TOPAZ1: variants seen among roughly 807,000 people sequenced by gnomAD.
The protein encoded by TOPAZ1 is testis and ovary specific TOPAZ 1.
A neutral mutation model predicts 172.2 loss-of-function variants in TOPAZ1; 66 were observed. That is an observed-to-expected ratio of 0.38 (90% CI 0.31 to 0.47). The LOEUF (loss-of-function observed/expected upper bound fraction) is 0.47, where lower values mean the gene tolerates loss of function less well. TOPAZ1 is among the 20% of genes least tolerant of loss of function. The pLI is 0.99. For synonymous variants in TOPAZ1, 681 were observed against 683.9 expected, an observed-to-expected ratio of 1.00 and a Z score of 0.07; for missense variants, 1,822 against 1,972.4, an observed-to-expected ratio of 0.92 and a Z score of 1.44.
At position 44,270,799 on chromosome 3, in the gene TOPAZ1, G is replaced by A; in HGVS notation, c.3361G>A (p.Gly1121Arg). The A allele has an allele frequency of 1.3e-6, 2 of 1,545,820 alleles. No homozygotes were observed. The highest frequency in any genetic ancestry group is 1.7e-6 in the Non-Finnish European group (2 of 1,144,348). The change falls in exon 8 of 20, where the codon GGG becomes AGG. Residue 1121 changes from glycine to arginine, a missense_variant. Around this residue, in one of 2 missense-constraint regions of TOPAZ1, gnomAD observed 1,489 missense variants for 1,490.8 expected, o/e 1.00. Coordinates refer to ENST00000309765, the MANE Select transcript of TOPAZ1 (RefSeq NM_001145030.2). ...CAAGTTTGCTCATGTGCCTGAACAA[G>A]GGGATGAAAAGGTAAAACATATAAA... ...LCKFAHVPEQ[G>R]DEKVCMDVFK...
intron 11 of TOPAZ1, among the ~76,000 whole-genome samples, chr3:44,288,388 C>T (rs1700101664): frequency 6.6e-6 from 1 of 152,004 alleles, no homozygotes; most frequent in African/African-American, 2.4e-5. Context: ...TGTTTGGAAT[C>T]AAAAGTTACT....
At position 44,321,202 on chromosome 3, in the gene TOPAZ1, T is replaced by G; in HGVS notation, c.4471+11T>G. On this transcript the variant is annotated intron_variant, in intron 17 of 19. Transcript: ENST00000309765. ...TTCAAAATTCCCAAGGTATGTTTTT[T>G]AAAAGTCTATCTTAATTATCTCTTG... The G allele has an allele frequency of 6.5e-7, 1 of 1,531,870 alleles. No homozygotes were observed. The highest frequency in any genetic ancestry group is 8.8e-7 in the Non-Finnish European group (1 of 1,138,146). The allele number at this position is 1,531,870 out of a possible 1,614,324, so 94.9% of individuals were successfully genotyped here.
rs1221807498 is a variant in TOPAZ1, at chr3:44,243,238, G to T, written c.732G>T (p.Leu244=). Residue 244 remains leucine (L), a synonymous_variant, in exon 2 of 20, where the codon CTG becomes CTT. Coordinates refer to ENST00000309765, the MANE Select transcript of TOPAZ1 (RefSeq NM_001145030.2). ...AGGGTTGTAATGATGAAAACAACCT[G>T]CCATATAAACCTGATGGTGGATGTA... is the stretch of plus-strand genomic sequence containing the variant. The part of the protein sequence containing the change: ...HSKGCNDENN[L]PYKPDGGCMH... 6.4e-7 allele frequency: 1 copy of T among 1,550,572 alleles called. No homozygotes were observed.
chr3:44,250,011 T>C (rs947149663), intron 2 of TOPAZ1, among the ~76,000 whole-genome samples: 5 of 152,190 alleles, frequency 3.3e-5, no homozygotes, highest in Admixed American at 6.5e-5. Flanking sequence ...CAGTAAATAA[T>C]AACTTCTGAG....
chr3:44,248,018 T>TCCCTAACA (rs1699585801), intron 2 of TOPAZ1, among the ~76,000 whole-genome samples: 1 of 152,212 alleles, frequency 6.6e-6, no homozygotes, highest in Non-Finnish European at 1.5e-5. Flanking sequence ...TTTAAAGAGT[T>TCCCTAACA]CACGATTACT....
intron 13 of TOPAZ1, 22 bp from the exon 14 acceptor site, chr3:44,305,125 T>G: frequency 6.9e-7 from 1 of 1,459,296 alleles, no homozygotes; most frequent in Non-Finnish European, 9.1e-7. Flanking sequence ...CTTTTTTGTT[T>G]TGTTTTTAAT....
Position 44,243,533 on chromosome 3 carries a change from A to C in TOPAZ1, c.1027A>C (p.Thr343Pro). 1 of 1,551,554 alleles carries C rather than the reference A, an allele frequency of 6.4e-7. No homozygotes were observed. Among genetic ancestry groups the C allele is most frequent in the Non-Finnish European group, 8.7e-7 (1 of 1,146,952 alleles). The change falls in exon 2 of 20, where the codon ACA becomes CCA. Residue 343 changes from threonine (T) to proline (P), a missense_variant. Around this residue, in one of 2 missense-constraint regions of TOPAZ1, gnomAD observed 1,489 missense variants for 1,490.8 expected, o/e 1.00. Transcript: ENST00000309765. ...GAAGTTGTCTGAAAAAGCAGATGAAACAGTTACTGAGATGAACTTCTCTAA... is the reference window on the plus strand; with the variant it reads ...GAAGTTGTCTGAAAAAGCAGATGAACCAGTTACTGAGATGAACTTCTCTAA... Reference protein sequence around the residue: ...RMKLSEKADETVTEMNFSNEY... With the variant: ...RMKLSEKADEPVTEMNFSNEY...
chr3:44,293,660 C>A (rs1171055968), intron 12 of TOPAZ1, among the ~76,000 whole-genome samples: 1 of 152,046 alleles, frequency 6.6e-6, no homozygotes, highest in African/African-American at 2.4e-5. Flanking sequence ...ACAAAAGAGT[C>A]AAAAAGTTTG....
chr3:44,311,883 T>C (rs941030670), intron 16 of TOPAZ1, among the ~76,000 whole-genome samples: 19 of 152,282 alleles, frequency 1.2e-4, no homozygotes, highest in African/African-American at 4.6e-4. Context: ...CAAAGTTTGG[T>C]GATATGCTTT....
downstream of TOPAZ1, among the ~76,000 whole-genome samples, chr3:44,333,296 G>T (rs991942516): frequency 6.6e-6 from 1 of 152,172 alleles, no homozygotes; most frequent in Admixed American, 6.5e-5. Flanking sequence ...ATATGGGGAA[G>T]TGAGGCAGGT....
chr3:44,263,003 A>G (rs879118488), intron 5 of TOPAZ1, among the ~76,000 whole-genome samples: 6 of 152,200 alleles, frequency 3.9e-5, no homozygotes, highest in African/African-American at 1.4e-4. Flanking sequence ...TTAAGGCAGT[A>G]ATTTTCAAAG....
At chr3:44,314,430 C>T (rs1700429942) in intron 16 of TOPAZ1, among the ~76,000 whole-genome samples, 1 of 152,062 alleles carries the variant, frequency 6.6e-6, no homozygotes, top group Non-Finnish European at 1.5e-5. Flanking sequence ...ATACTAACCC[C>T]ATAACGTAGG....
chr3:44,272,106 A>G (rs986596112), intron 8 of TOPAZ1, among the ~76,000 whole-genome samples: 2 of 152,098 alleles, frequency 1.3e-5, no homozygotes, highest in Admixed American at 6.6e-5. Flanking sequence ...ATAGTATTTC[A>G]TTGTGTATAT....
chr3:44,291,857 C>T (rs537281270), intron 12 of TOPAZ1, among the ~76,000 whole-genome samples: 1 of 152,254 alleles, frequency 6.6e-6, no homozygotes, highest in East Asian at 1.9e-4. Flanking sequence ...GAGCTTCCAT[C>T]GCTATTTTTA....
At position 44,241,996 on chromosome 3, in the gene TOPAZ1, C is replaced by T. The variant is rs1463699581; in HGVS notation, c.-58C>T. 2.7e-6 allele frequency: 4 copies of T among 1,480,420 alleles called. No homozygotes were observed. The highest frequency in any genetic ancestry group is 2.5e-5 in the East Asian group (1 of 40,350). The allele number at this position is 1,480,420 out of a possible 1,614,324, so 91.7% of individuals were successfully genotyped here. A position where few individuals can be genotyped will look rare whatever the true frequency, so the allele number is the denominator to read the frequency against. On this transcript the variant is annotated 5_prime_UTR_variant, in exon 1 of 20. Coordinates refer to ENST00000309765, the MANE Select transcript of TOPAZ1 (RefSeq NM_001145030.2). The stretch of plus-strand genomic sequence containing the variant: ...CTCCAGGCGGGAGCAGCGTTTGCAC[C>T]GCGGTGGGTTCCTGCGAGCTGGTGC...
At chr3:44,316,535 A>G (rs926647693) in intron 16 of TOPAZ1, among the ~76,000 whole-genome samples, 1 of 152,118 alleles carries the variant, frequency 6.6e-6, no homozygotes, top group African/African-American at 2.4e-5. Flanking sequence ...GTATTTACAA[A>G]TATTTTTCCT....
At chr3:44,268,348 A>G (rs1326250560) in intron 6 of TOPAZ1, among the ~76,000 whole-genome samples, 1 of 145,738 alleles carries the variant, frequency 6.9e-6, no homozygotes, top group Non-Finnish European at 1.5e-5. Context: ...AAAGAGTGTA[A>G]GCTCTGTGGT....
Position 44,244,506 on chromosome 3 carries a change from A to G in TOPAZ1, c.2000A>G (p.Gln667Arg). ...ATTCATCGAAAAGCATGCATTGCTC[A>G]ACAAACATTTATAGTTCCAGACTTG... ...KTIHRKACIA[Q>R]QTFIVPDLVK... Residue 667 changes from glutamine (Q) to arginine (R), a missense_variant, in exon 2 of 20, where the codon CAA becomes CGA. Gln to Arg is a conservative substitution (Grantham distance 43). Transcript: ENST00000309765. 6.4e-7 allele frequency: 1 copy of G among 1,551,610 alleles called. No homozygotes were observed. The highest frequency in any genetic ancestry group is 8.7e-7 in the Non-Finnish European group (1 of 1,146,954).
At chr3:44,308,890 G>A (rs928233870) in intron 15 of TOPAZ1, among the ~76,000 whole-genome samples, 3 of 152,074 alleles carry the variant, frequency 2.0e-5, no homozygotes, top group Admixed American at 1.3e-4. Flanking sequence ...CTTGAAGGTA[G>A]CTTGACATCA....
Sources: allele counts gnomAD v4.1 joint callset (sites outside exome capture counted in the v4.1 genomes callset), GRCh38; gene constraint gnomAD v4.1.1; regional missense constraint gnomAD v4.1.1; transcripts MANE v1.5; gene names NCBI Gene and HGNC (gene_info 2026-07-23, HGNC 2026-07-21).